SDF4: variants seen among roughly 807,000 people sequenced by gnomAD.
SDF4 encodes stromal cell derived factor 4, also known as 45 kDa calcium-binding protein.
Under a neutral mutation model 34.2 loss-of-function variants are expected in SDF4, and 22 were observed. That is an observed-to-expected ratio of 0.64 (90% CI 0.46 to 0.92). SDF4 has a LOEUF of 0.92. Ranked by LOEUF, SDF4 falls within the 40% of genes least tolerant of loss-of-function variation. The pLI is 0.00. For missense variants in SDF4, 447 were observed against 499.9 expected (o/e 0.89, Z 1.01); for synonymous variants, 236 against 203.1 (o/e 1.16, Z -1.38).
intron 4 of SDF4, 139 bp from the exon 5 acceptor site, chr1:1,219,066 T>C: frequency 6.4e-7 from 1 of 1,567,464 alleles, no homozygotes; most frequent in South Asian, 1.2e-5. Flanking sequence ...GATTCACACG[T>C]CCCCAGAACA....
chr1:1,220,942 CTT>C, intron 4 of SDF4: 2 of 374,854 alleles, frequency 5.3e-6, no homozygotes, highest in Non-Finnish European at 1.0e-5. Context: ...GTAAACCACT[CTT>C]TTGGAAAGGA....
At position 1,220,340 on chromosome 1, in the gene SDF4, C is replaced by A. The variant is rs957322300; in HGVS notation, c.557-1413G>T. ...GGAAGGGAGTGATGCCCGCCTGCCA[C>A]GCCTTCACCGCGGTCCCCAGAATCA... On this transcript the variant is annotated intron_variant, in intron 4 of 6. Transcript: ENST00000360001. The A allele has an allele frequency of 4.3e-5, 47 of 1,105,312 alleles. No individual in the cohort carries two copies. The African/African-American group carries it at 7.4e-4, about 17-fold the overall frequency. The allele number at this position is 1,105,312 out of a possible 1,614,324, so 68.5% of individuals were successfully genotyped here. A position where few individuals can be genotyped will look rare whatever the true frequency, so the allele number is the denominator to read the frequency against.
chr1:1,219,310 C>G (rs1292475136), intron 4 of SDF4: 2 of 1,158,186 alleles, frequency 1.7e-6, no homozygotes, highest in African/African-American at 3.3e-5. Context: ...CCAGACCTCT[C>G]AAGACATGAT....
At chr1:1,223,472 T>A in intron 3 of SDF4, 115 bp from the exon 4 acceptor site, 1 of 822,970 alleles carries the variant, frequency 1.2e-6, no homozygotes, top group Non-Finnish European at 1.9e-6. Context: ...TGCCAGCGTC[T>A]GGAGCCCCAG....
intron 4 of SDF4, 62 bp downstream of exon 4, chr1:1,223,182 A>G (rs773526662): frequency 8.7e-7 from 1 of 1,144,588 alleles, no homozygotes; most frequent in South Asian, 1.2e-5. Flanking sequence ...ATGTACACAC[A>G]ACACACGCGC....
At chr1:1,219,601 CG>C (rs1553149411) in intron 4 of SDF4, 1 of 987,050 alleles carries the variant, frequency 1.0e-6, no homozygotes, top group Non-Finnish European at 1.2e-6. Context: ...CCCTCCCAGC[CG>C]GGACACGGCA....
intron 2 of SDF4, among the ~76,000 whole-genome samples, chr1:1,226,490 C>T (rs543151780): frequency 1.5e-4 from 23 of 152,336 alleles, no homozygotes; most frequent in African/African-American, 4.6e-4. Flanking sequence ...CTGTTACGTC[C>T]TCACAAAAAC....
chr1:1,222,764 C>T (rs1650042583), intron 4 of SDF4, among the ~76,000 whole-genome samples: 1 of 152,256 alleles, frequency 6.6e-6, no homozygotes, highest in Non-Finnish European at 1.5e-5. Flanking sequence ...GACTCCTGGG[C>T]GGCGCCTAGG....
intron 2 of SDF4, 89 bp from the exon 3 acceptor site, chr1:1,224,057 T>C (rs890993649): frequency 1.3e-6 from 2 of 1,563,500 alleles, no homozygotes; most frequent in Non-Finnish European, 1.7e-6. Context: ...CAGGACTCCA[T>C]GGCTGCGTGA....
rs753431260 is a variant in SDF4, at chr1:1,218,502, T to C, written c.847A>G (p.Ile283Val). 1.2e-6 allele frequency: 2 copies of C among 1,613,800 alleles called. No individual in the cohort carries two copies. The highest frequency in any genetic ancestry group is 1.1e-5 in the South Asian group (1 of 91,086). Reference protein sequence around the residue: ...KDRKKEFEELIDSNHDGIVTA... With the variant: ...KDRKKEFEELVDSNHDGIVTA... ...ACGATGCCGTCGTGGTTGGAGTCAA[T>C]GAGCTCCTCAAACTCCTTTTTTCTG... Residue 283 changes from isoleucine (I) to valine (V), a missense_variant, in exon 6 of 7, where the codon ATT (isoleucine) becomes GTT (valine). Ile to Val is a conservative substitution (Grantham distance 29, BLOSUM62 3). Transcript: ENST00000360001. The surrounding 1 kb of genome is among the most constrained non-coding windows in gnomAD (Gnocchi z 7.9).
rs751566792 is a variant in SDF4, at chr1:1,218,888, T to C, written c.596A>G (p.Gln199Arg). Residue 199 changes from glutamine to arginine, a missense_variant, in exon 5 of 7, where the codon CAG becomes CGG. Coordinates refer to ENST00000360001, the MANE Select transcript of SDF4 (RefSeq NM_016176.6). This position sits in a 1 kb window ranked among gnomAD's most constrained non-coding sequence, Gnocchi z 7.9. ...VLENLKDRWY[Q>R]ADSPPADLLL... ...CAGGTCTGCAGGGGGGCTGTCCGCCTGGTACCAGCGGTCCTTCAGGTTCTC... is the reference window on the plus strand; with the variant it reads ...CAGGTCTGCAGGGGGGCTGTCCGCCCGGTACCAGCGGTCCTTCAGGTTCTC... 15 of 1,598,892 alleles carry C rather than the reference T, an allele frequency of 9.4e-6. No homozygotes were observed. The highest frequency in any genetic ancestry group is 1.3e-5 in the Non-Finnish European group (15 of 1,170,214).
In SDF4 at chr1:1,218,957, G is replaced by A; in HGVS notation, c.557-30C>T. 1.2e-6 allele frequency: 2 copies of A among 1,612,338 alleles called. No individual in the cohort carries two copies. On this transcript the variant is annotated intron_variant, in intron 4 of 6. Transcript: ENST00000360001. The surrounding 1 kb of genome is among the most constrained non-coding windows in gnomAD (Gnocchi z 7.9). ...GAGGGGCGCAGCCTGTGGGTATCGA[G>A]GCCGACAGACGCCAGCACGCAAATC... is the stretch of plus-strand genomic sequence containing the variant.
chr1:1,226,556 G>A (rs1043317910), intron 2 of SDF4, among the ~76,000 whole-genome samples: 4 of 152,246 alleles, frequency 2.6e-5, no homozygotes, highest in African/African-American at 9.6e-5. Context: ...CAGGACAGCT[G>A]AGTGAACGTG....
intron 2 of SDF4, among the ~76,000 whole-genome samples, chr1:1,226,172 G>A (rs1485910493): frequency 6.6e-6 from 1 of 152,252 alleles, no homozygotes; most frequent in African/African-American, 2.4e-5. Context: ...TATTGCACTG[G>A]GGCAGGTGGC....
Position 1,218,348 on chromosome 1 carries a change from C to T in SDF4, c.891+110G>A. 1.6e-6 allele frequency: 2 copies of T among 1,227,798 alleles called. No homozygotes were observed. Among genetic ancestry groups the T allele is most frequent in the South Asian group, 1.5e-5 (1 of 68,872 alleles). 76.1% of individuals were successfully genotyped at this position (1,227,798 alleles called of 1,614,324 possible). A position where few individuals can be genotyped will look rare whatever the true frequency, so the allele number is the denominator to read the frequency against. ...CCCCAGTGACCAGCCCAGATGGAGT[C>T]TCAGGCCAGACACCAGCACAGCTTC... On this transcript the variant is annotated intron_variant, in intron 6 of 6. Coordinates refer to ENST00000360001, the MANE Select transcript of SDF4 (RefSeq NM_016176.6). This position sits in a 1 kb window ranked among gnomAD's most constrained non-coding sequence, Gnocchi z 7.9.
intron 1 of SDF4, among the ~76,000 whole-genome samples, chr1:1,229,274 G>A (rs539160529): frequency 2.0e-5 from 3 of 152,314 alleles, no homozygotes; most frequent in South Asian, 2.1e-4. Context: ...CCGTGACCAC[G>A]AACTCCTGGG....
chr1:1,219,486 A>G, intron 4 of SDF4: 1 of 998,256 alleles, frequency 1.0e-6, no homozygotes, highest in Non-Finnish European at 1.2e-6. Flanking sequence ...CGCGGGGCGA[A>G]GGACTCACTG....
At chr1:1,223,158 C>T in intron 4 of SDF4, 86 bp downstream of exon 4, 2 of 939,154 alleles carry the variant, frequency 2.1e-6, no homozygotes, top group Non-Finnish European at 3.5e-6. Flanking sequence ...ATACACGACA[C>T]ACACGGCACA....
rs370734132 is a variant in SDF4 at position 1,217,601 on chromosome 1, G to A, written c.979C>T (p.Leu327=). 2.5e-6 allele frequency: 4 copies of A among 1,613,772 alleles called. No individual in the cohort carries two copies. The highest frequency in any genetic ancestry group is 3.4e-6 in the Non-Finnish European group (4 of 1,179,944). The change falls in exon 7 of 7, where the codon CTG becomes TTG. Residue 327 remains leucine (L), a synonymous_variant. Coordinates refer to ENST00000360001, the MANE Select transcript of SDF4 (RefSeq NM_016176.6). The surrounding 1 kb of genome is among the most constrained non-coding windows in gnomAD (Gnocchi z 8.5). The part of the protein sequence containing the change: ...AVADENQNHH[L]EPEEVLKYSE... ...TACTTGAGCACCTCCTCGGGCTCCA[G>A]GTGGTGGTTCTGGTTCTCGTCGGCG... is the stretch of plus-strand genomic sequence containing the variant.
Sources: gnomAD v4.1 joint callset for allele counts (sites outside exome capture counted in the v4.1 genomes callset) on GRCh38, gnomAD v4.1.1 for gene constraint, Gnocchi (gnomAD v3.1) non-coding constraint, MANE v1.5 for transcripts, NCBI Gene and HGNC (gene_info 2026-07-23, HGNC 2026-07-21) for gene names.